Variants in THNSL1 observed in about 807,000 individuals in gnomAD.
THNSL1 encodes the protein threonine synthase like 1, also known as threonine synthase-like 1.
THNSL1 carries 48 observed loss-of-function variants against 50.4 expected under a neutral mutation model. That is an observed-to-expected ratio of 0.95 (90% confidence interval 0.76 to 1.21). The LOEUF is 1.21. THNSL1 is among the 50% of genes most tolerant of loss of function. THNSL1 has a pLI of 0.00. For synonymous variants in THNSL1, 309 were observed against 306.1 expected, an observed-to-expected ratio of 1.01 and a Z score of -0.10; for missense variants, 896 against 871.7, an observed-to-expected ratio of 1.03 and a Z score of -0.35.
chr10:25,016,389 A>G (rs1167885673), upstream of THNSL1, among the ~76,000 whole-genome samples: 1 of 152,220 alleles, frequency 6.6e-6, no homozygotes, highest in Non-Finnish European at 1.5e-5. Flanking sequence ...CCTAGTAGAG[A>G]CGGCAAAGCG....
At chr10:25,005,425 C>T in the THNSL1 span, among the ~76,000 whole-genome samples, 1 of 152,134 alleles carries the variant, frequency 6.6e-6, no homozygotes, top group Admixed American at 6.5e-5. Flanking sequence ...AATGATATTA[C>T]TCAAAAAGCT....
chr10:25,021,921 CAG>C lies in THNSL1; in HGVS notation c.-49+16_-49+17del, dbSNP rs1850726340. The C allele has an allele frequency of 1.3e-5, 2 of 152,092 alleles. No homozygotes were observed. Among genetic ancestry groups the C allele is most frequent in the African/African-American group, 4.8e-5 (2 of 41,404 alleles). 9.4% of individuals were successfully genotyped at this position (152,092 alleles called of 1,614,324 possible). A position where few individuals can be genotyped will look rare whatever the true frequency, so the allele number is the denominator to read the frequency against. ...TCTAATTTTACTTGTAAGTTAAATT[CAG>C]AGTTAGCTTAAAATCATTTAAATGT... On this transcript the variant is annotated intron_variant, in intron 2 of 2. Transcript: ENST00000376356.
At chr10:25,022,999 A>G (rs1262288010) in intron 2 of THNSL1, among the ~76,000 whole-genome samples, 177 bp from the exon 3 acceptor site, 2 of 152,208 alleles carry the variant, frequency 1.3e-5, no homozygotes, top group Non-Finnish European at 2.9e-5. Flanking sequence ...ATAATATGCA[A>G]TATATAAGAA....
the THNSL1 span, among the ~76,000 whole-genome samples, chr10:24,976,634 T>A: frequency 0.037 from 5,557 of 151,932 alleles, 135 homozygotes; most frequent in Non-Finnish European, 0.058. Context: ...GGATTACAGG[T>A]GCCTGCCACC....
the THNSL1 span, among the ~76,000 whole-genome samples, chr10:24,996,527 C>T: frequency 6.6e-6 from 1 of 152,114 alleles, no homozygotes; most frequent in African/African-American, 2.4e-5. Flanking sequence ...CGTTTTTACA[C>T]AGCCTCTTCA....
the THNSL1 span, chr10:24,984,981 A>T: frequency 2.7e-6 from 3 of 1,113,614 alleles, no homozygotes; most frequent in Non-Finnish European, 4.0e-6. Flanking sequence ...CTAATTGGTA[A>T]TGAAAAATGT....
intron 1 of THNSL1, among the ~76,000 whole-genome samples, chr10:25,020,775 A>G (rs1047684251): frequency 1.3e-5 from 2 of 151,990 alleles, no homozygotes; most frequent in Non-Finnish European, 2.9e-5. Flanking sequence ...CATGAAAACC[A>G]TCTACTCAGA....
Position 25,024,370 on chromosome 10 carries a change from G to C in THNSL1, c.1147G>C (p.Gly383Arg), listed in dbSNP as rs1850797832. ...ACTTGTAGCTACTTCAGGAGACACA[G>C]GGAGTGCAGTCTTAAATGGTTTTAG... ...MILVATSGDT[G>R]SAVLNGFSRL... Residue 383 changes from glycine to arginine, a missense_variant, in exon 3 of 3, where the codon GGG becomes CGG. Coordinates refer to ENST00000376356, the MANE Select transcript of THNSL1 (RefSeq NM_024838.5). 1.2e-6 allele frequency: 2 copies of C among 1,613,862 alleles called. No homozygotes were observed. Among genetic ancestry groups the C allele is most frequent in the South Asian group, 2.2e-5 (2 of 91,090 alleles).
At chr10:24,956,074 T>C in the THNSL1 span, among the ~76,000 whole-genome samples, 33 of 152,264 alleles carry the variant, frequency 2.2e-4, no homozygotes, top group Admixed American at 5.9e-4. Context: ...ATTATTAAAA[T>C]AATGAGATTT....
chr10:24,966,003 A>T, the THNSL1 span, among the ~76,000 whole-genome samples: 6 of 152,216 alleles, frequency 3.9e-5, no homozygotes, highest in Non-Finnish European at 5.9e-5. Context: ...AGAATAAGAG[A>T]TATAACTGGC....
At chr10:25,009,625 T>A in the THNSL1 span, among the ~76,000 whole-genome samples, 2 of 152,072 alleles carry the variant, frequency 1.3e-5, no homozygotes, top group African/African-American at 2.4e-5. Flanking sequence ...GTGATATGGT[T>A]TTGCTGTGTC....
the THNSL1 span, among the ~76,000 whole-genome samples, chr10:25,002,499 G>A: frequency 2.6e-5 from 4 of 152,124 alleles, no homozygotes; most frequent in Non-Finnish European, 4.4e-5. Context: ...TGGGGCAGTC[G>A]TAGGGCTTGC....
At chr10:25,016,282 T>C (rs1337322437), upstream of THNSL1, 1 of 597,114 alleles carries the variant, frequency 1.7e-6, no homozygotes, top group Non-Finnish European at 2.2e-6. Context: ...GAAGCCACTG[T>C]TTTTACGTGC....
the THNSL1 span, chr10:24,990,533 T>C: frequency 6.2e-7 from 1 of 1,614,110 alleles, no homozygotes; most frequent in Non-Finnish European, 8.5e-7. Context: ...TTCCTGGATA[T>C]AACGATCATA....
the THNSL1 span, among the ~76,000 whole-genome samples, chr10:25,004,670 T>C: frequency 1.3e-5 from 2 of 152,236 alleles, no homozygotes; most frequent in African/African-American, 2.4e-5. Flanking sequence ...ATTAGACCTT[T>C]GTCAGATGCA....
the THNSL1 span, among the ~76,000 whole-genome samples, chr10:24,956,119 A>ATTTCCTTTTCTTTTTT: frequency 1.2e-3 from 177 of 152,146 alleles, 1 homozygote; most frequent in Non-Finnish European, 2.3e-3. Context: ...CAGACTGTCC[A>ATTTCCTTTTCTTTTTT]TTTCCTTTTC....
At chr10:24,985,494 C>T in the THNSL1 span, among the ~76,000 whole-genome samples, 2 of 152,136 alleles carry the variant, frequency 1.3e-5, no homozygotes, top group Non-Finnish European at 2.9e-5. Context: ...GTCAAGGGAT[C>T]TACAGTTCCC....
chr10:25,024,657 G>C lies in THNSL1; in HGVS notation c.1434G>C (p.Pro478=), dbSNP rs755011083. The C allele has an allele frequency of 6.2e-7, 1 of 1,614,194 alleles. No individual in the cohort carries two copies. Among genetic ancestry groups the C allele is most frequent in the Non-Finnish European group, 8.5e-7 (1 of 1,180,042 alleles). Residue 478 remains proline (P), a synonymous_variant, in exon 3 of 3, where the codon CCG becomes CCC. Coordinates refer to ENST00000376356, the MANE Select transcript of THNSL1 (RefSeq NM_024838.5). ...ANSINWGRLL[P]QVVYHASAYL... is the part of the protein sequence containing the mutation. ...CCATAAACTGGGGCCGACTACTTCCGCAGGTAGTTTATCATGCTTCCGCAT... is the reference window on the plus strand; with the variant it reads ...CCATAAACTGGGGCCGACTACTTCCCCAGGTAGTTTATCATGCTTCCGCAT...
Position 25,025,394 on chromosome 10 carries a change from C to T in THNSL1, c.2171C>T (p.Ala724Val), listed in dbSNP as rs200181873. The T allele has an allele frequency of 4.2e-5, 68 of 1,614,166 alleles. No individual in the cohort carries two copies. In the Middle Eastern group the frequency reaches 4.9e-4, roughly 12 times the overall value. Residue 724 changes from alanine to valine, a missense_variant, in exon 3 of 3, where the codon GCA (alanine) becomes GTA (valine). Ala to Val is a moderately conservative substitution (Grantham distance 64, BLOSUM62 0). Coordinates refer to ENST00000376356, the MANE Select transcript of THNSL1 (RefSeq NM_024838.5). ...QQEKMEYQVC[A>V]ADMNVLKSHV... is the part of the protein sequence containing the mutation. Reference sequence around the variant, plus strand: ...GAGAAGATGGAGTACCAGGTCTGTGCAGCTGATATGAATGTCTTGAAGAGT... The same window carrying T: ...GAGAAGATGGAGTACCAGGTCTGTGTAGCTGATATGAATGTCTTGAAGAGT...
Sources: gnomAD v4.1 joint callset for allele counts (sites outside exome capture counted in the v4.1 genomes callset) on GRCh38, gnomAD v4.1.1 for gene constraint, MANE v1.5 for transcripts, NCBI Gene and HGNC (gene_info 2026-07-23, HGNC 2026-07-21) for gene names.